Variants in SEM1 observed in about 807,000 individuals in gnomAD.
SEM1 encodes SEM1 26S proteasome subunit.
SEM1 carries 3 observed loss-of-function variants against 12.7 expected under a neutral mutation model. That is an observed-to-expected ratio of 0.24 (90% CI 0.11 to 0.61). SEM1 has a LOEUF of 0.61. SEM1 is among the 20% of genes least tolerant of loss of function. SEM1 has a pLI of 0.88. For missense variants in SEM1, 59 were observed against 81.3 expected, an observed-to-expected ratio of 0.73 and a Z score of 1.06; for synonymous variants, 30 against 27.8, an observed-to-expected ratio of 1.08 and a Z score of -0.25.
intron 2 of SEM1, among the ~76,000 whole-genome samples, chr7:96,652,188 G>A (rs952185634): frequency 1.3e-5 from 2 of 152,140 alleles, no homozygotes; most frequent in African/African-American, 2.4e-5. Context: ...CTCAAGTCAA[G>A]TGAACACTTT....
chr7:96,577,205 A>G (rs1041307976), intron 2 of SEM1, among the ~76,000 whole-genome samples: 22 of 152,154 alleles, frequency 1.4e-4, no homozygotes, highest in Non-Finnish European at 2.9e-4. Flanking sequence ...AGGTATGGCC[A>G]CATAGAGTAA....
chr7:96,516,737 T>C (rs1804107019), intron 2 of SEM1, among the ~76,000 whole-genome samples: 3 of 152,188 alleles, frequency 2.0e-5, no homozygotes, highest in African/African-American at 7.2e-5. Flanking sequence ...CTGGTATTTA[T>C]CTAAAGGAGT....
chr7:96,539,116 C>T (rs1804874464), intron 2 of SEM1, among the ~76,000 whole-genome samples: 1 of 151,760 alleles, frequency 6.6e-6, no homozygotes, highest in Admixed American at 6.6e-5. Context: ...GACCTCTAGC[C>T]ATCAGCCCTC....
At chr7:96,655,530 C>T (rs1809151946) in intron 2 of SEM1, among the ~76,000 whole-genome samples, 1 of 151,444 alleles carries the variant, frequency 6.6e-6, no homozygotes, top group African/African-American at 2.4e-5. Context: ...TTCCGCCTGC[C>T]TAGGCCTCCC....
chr7:96,615,241 CTTTTTTT>C (rs60940244), intron 2 of SEM1, among the ~76,000 whole-genome samples: 1 of 126,414 alleles, frequency 7.9e-6, no homozygotes, highest in African/African-American at 3.2e-5. Flanking sequence ...TTTGAGTCAT[CTTTTTTT>C]TTTTTTTTTT....
intron 2 of SEM1, among the ~76,000 whole-genome samples, chr7:96,544,695 T>C (rs1007424469): frequency 1.3e-5 from 2 of 152,018 alleles, no homozygotes; most frequent in African/African-American, 4.8e-5. Context: ...GCCTTATCAA[T>C]AACATAAACA....
chr7:96,582,987 A>C (rs1182998493), intron 2 of SEM1, among the ~76,000 whole-genome samples: 3 of 146,764 alleles, frequency 2.0e-5, no homozygotes, highest in Non-Finnish European at 3.1e-5. Flanking sequence ...TTCTGCTCTG[A>C]TTTTAGTTAT....
At chr7:96,587,927 G>A (rs1282524428) in intron 2 of SEM1, among the ~76,000 whole-genome samples, 1 of 152,112 alleles carries the variant, frequency 6.6e-6, no homozygotes, top group Non-Finnish European at 1.5e-5. Context: ...TAGATGAAAT[G>A]AGTTCAGAAA....
intron 2 of SEM1, among the ~76,000 whole-genome samples, chr7:96,594,521 A>G (rs566315507): frequency 6.6e-6 from 1 of 152,312 alleles, no homozygotes; most frequent in South Asian, 2.1e-4. Flanking sequence ...CCTGTCTATC[A>G]GCTTATCTCT....
chr7:96,493,609 C>T (rs1803116757), intron 1 of SEM1, among the ~76,000 whole-genome samples: 2 of 152,150 alleles, frequency 1.3e-5, no homozygotes, highest in Non-Finnish European at 2.9e-5. Flanking sequence ...CCTACCAAAC[C>T]TCCAATATCA....
intron 3 of SEM1, among the ~76,000 whole-genome samples, chr7:96,506,200 A>G (rs1040470607): frequency 2.6e-5 from 4 of 152,070 alleles, no homozygotes; most frequent in Non-Finnish European, 4.4e-5. Flanking sequence ...ATCATCTTGT[A>G]TATTTCTTGT....
rs111753804 is a variant in SEM1, at chr7:96,626,793, T to G, written c.171-4150A>C. Among the ~76,000 whole-genome samples, 698 of 152,254 alleles carry G rather than the reference T, an allele frequency of 4.6e-3. 8 individuals are homozygous for G. Among genetic ancestry groups the G allele is most frequent in the African/African-American group, 0.016 (674 of 41,584 alleles). ...TCTGATTTTGGTATCAGAGTAATAC[T>G]GACCTCAGAATGAGTTTGGAAGTAT... On this transcript the variant is annotated intron_variant, in intron 2 of 2. Coordinates refer to the SEM1 transcript ENST00000417009.
intron 1 of SEM1, among the ~76,000 whole-genome samples, chr7:96,494,594 C>T (rs1484747766): frequency 6.6e-6 from 1 of 152,086 alleles, no homozygotes; most frequent in East Asian, 1.9e-4. Context: ...GGCATGCCCT[C>T]CTCTTAGATT....
intron 1 of SEM1, among the ~76,000 whole-genome samples, chr7:96,704,530 A>T (rs1336215959): frequency 6.6e-6 from 1 of 152,184 alleles, no homozygotes; most frequent in Non-Finnish European, 1.5e-5. Context: ...TGCTTATTCT[A>T]TCCTGGGGTT....
At chr7:96,596,784 TCAAAA>T (rs1807011225) in intron 2 of SEM1, among the ~76,000 whole-genome samples, 1 of 152,188 alleles carries the variant, frequency 6.6e-6, no homozygotes, top group Non-Finnish European at 1.5e-5. Context: ...TTTGTCTTTG[TCAAAA>T]CAAAGACTGT....
chr7:96,572,882 T>C (rs956262446), intron 2 of SEM1, among the ~76,000 whole-genome samples: 2 of 152,132 alleles, frequency 1.3e-5, no homozygotes, highest in Admixed American at 1.3e-4. Flanking sequence ...GACAGTAGGG[T>C]GTTAAAGTCT....
upstream of SEM1, among the ~76,000 whole-genome samples, chr7:96,498,317 A>G (rs1229365648): frequency 3.3e-5 from 5 of 152,296 alleles, no homozygotes; most frequent in East Asian, 9.7e-4. Flanking sequence ...AAATTCGTAG[A>G]GAATCTCACT....
intron 2 of SEM1, among the ~76,000 whole-genome samples, chr7:96,511,371 T>C (rs1237954961): frequency 1.3e-5 from 2 of 152,094 alleles, no homozygotes; most frequent in Non-Finnish European, 2.9e-5. Flanking sequence ...AGGTATACAA[T>C]TTAATAAAGA....
intron 1 of SEM1, chr7:96,706,268 T>C (rs1790459030): frequency 6.6e-6 from 1 of 152,120 alleles, no homozygotes; most frequent in Admixed American, 6.6e-5. Flanking sequence ...TGAAGGGCTA[T>C]TGAGAAGAAA....
Sources: allele counts gnomAD v4.1 joint callset (sites outside exome capture counted in the v4.1 genomes callset), GRCh38; gene constraint gnomAD v4.1.1; transcripts MANE v1.5; gene names NCBI Gene and HGNC (gene_info 2026-07-23, HGNC 2026-07-21).